The following ARFGEF2 variants were observed in gnomAD, a reference collection of about 807,000 sequenced individuals.
ARFGEF2 encodes the protein ARF guanine nucleotide exchange factor 2.
Under a neutral mutation model 219.9 loss-of-function variants are expected in ARFGEF2, and 74 were observed. The ratio of observed to expected loss-of-function variants is 0.34; its 90% confidence interval spans 0.28 to 0.41. The LOEUF is 0.41. Ranked by LOEUF, ARFGEF2 falls within the 10% of genes least tolerant of loss-of-function variation. The pLI, the probability that ARFGEF2 is intolerant of heterozygous loss-of-function variation, is 1.00. For missense variants in ARFGEF2, 1,743 were observed against 2,218.3 expected, an observed-to-expected ratio of 0.79 and a Z score of 4.30; for synonymous variants, 733 against 799.2, an observed-to-expected ratio of 0.92 and a Z score of 1.40.
At chr20:48,962,791 C>A (rs575062875) in intron 6 of ARFGEF2, among the ~76,000 whole-genome samples, 49 of 152,278 alleles carry the variant, frequency 3.2e-4, no homozygotes, top group African/African-American at 1.1e-3. Flanking sequence ...CCTTATAGAT[C>A]AAGCATAGAA....
intron 28 of ARFGEF2, 31 bp from the exon 29 acceptor site, chr20:49,013,533 T>A: frequency 6.2e-7 from 1 of 1,613,994 alleles, no homozygotes; most frequent in Non-Finnish European, 8.5e-7. Flanking sequence ...GCATGCTTAG[T>A]TTACACCTGA....
At chr20:49,005,268 G>A in intron 26 of ARFGEF2, 47 bp downstream of exon 26, 1 of 1,611,304 alleles carries the variant, frequency 6.2e-7, no homozygotes. Context: ...CCCCGTTGGG[G>A]CTCCCAGAAG....
At chr20:48,962,843 ACAGT>A (rs1490180786) in intron 6 of ARFGEF2, among the ~76,000 whole-genome samples, 3 of 152,174 alleles carry the variant, frequency 2.0e-5, no homozygotes, top group Non-Finnish European at 2.9e-5. Context: ...TCATTAATAC[ACAGT>A]CAAAGGATTA....
Position 49,034,041 on chromosome 20 carries a change from TATGAAGTAGTAATGAAA to T in ARFGEF2, c.*856_*872del, listed in dbSNP as rs935712132. 1 of 152,212 alleles carries T rather than the reference TATGAAGTAGTAATGAAA, an allele frequency of 6.6e-6. No individual in the cohort carries two copies. The highest frequency in any genetic ancestry group is 2.4e-5 in the African/African-American group (1 of 41,456). The allele number at this position is 152,212 out of a possible 1,614,324, so 9.4% of individuals were successfully genotyped here. A position where few individuals can be genotyped will look rare whatever the true frequency, so the allele number is the denominator to read the frequency against. ...ATCTCACACACTCTGAAATCTAATA[TATGAAGTAGTAATGAAA>T]ATGAAGTAGTAATTTAACCAGAGTT... On this transcript the variant is annotated 3_prime_UTR_variant, in exon 39 of 39. Transcript: ENST00000371917.
intron 1 of ARFGEF2, among the ~76,000 whole-genome samples, chr20:48,932,518 A>G (rs577230452): frequency 6.6e-6 from 1 of 152,264 alleles, no homozygotes; most frequent in Non-Finnish European, 1.5e-5. Flanking sequence ...GACAGGTGAA[A>G]AGGGGACGCT....
intron 11 of ARFGEF2, 54 bp from the exon 12 acceptor site, chr20:48,973,091 A>C: frequency 6.2e-7 from 1 of 1,609,546 alleles, no homozygotes; most frequent in Non-Finnish European, 8.5e-7. Flanking sequence ...TTTGATAAGA[A>C]AACCTAACTG....
intron 9 of ARFGEF2, among the ~76,000 whole-genome samples, 200 bp from the exon 10 acceptor site, chr20:48,970,920 G>A (rs2091223183): frequency 6.6e-6 from 1 of 152,190 alleles, no homozygotes; most frequent in Admixed American, 6.5e-5. Context: ...ACAAATAGGA[G>A]TTGGCAGCTC....
At chr20:48,948,222 C>CT (rs911233015) in intron 3 of ARFGEF2, among the ~76,000 whole-genome samples, 2 of 151,596 alleles carry the variant, frequency 1.3e-5, no homozygotes, top group Non-Finnish European at 2.9e-5. Flanking sequence ...TCTTTCCTCT[C>CT]TTTTTTTTTC....
At chr20:49,019,022 T>G in intron 34 of ARFGEF2, 24 bp downstream of exon 34, 1 of 1,565,846 alleles carries the variant, frequency 6.4e-7, no homozygotes, top group Non-Finnish European at 8.8e-7. Context: ...TTAATTTGTT[T>G]TAAATAAGTA....
At chr20:49,009,002 A>C (rs6512563) in intron 26 of ARFGEF2, among the ~76,000 whole-genome samples, 150,461 of 152,286 alleles carry the variant, frequency 0.99, 74,349 homozygotes, top group Middle Eastern at 1. Context: ...ACCACCATGC[A>C]CAGGTAAATT....
chr20:49,011,472 AC>A (rs2091497735), intron 27 of ARFGEF2, among the ~76,000 whole-genome samples: 1 of 152,322 alleles, frequency 6.6e-6, no homozygotes, highest in African/African-American at 2.4e-5. Context: ...CTGAGGACAC[AC>A]AGTTTCGATG....
chr20:49,014,815 T>C (rs1351706983), intron 30 of ARFGEF2, among the ~76,000 whole-genome samples: 1 of 152,200 alleles, frequency 6.6e-6, no homozygotes, highest in African/African-American at 2.4e-5. Flanking sequence ...TTTTCTAATC[T>C]TTTTAAATTT....
At position 48,989,286 on chromosome 20, in the gene ARFGEF2, T is replaced by G; in HGVS notation, c.2535T>G (p.Asn845Lys). 6.2e-7 allele frequency: 1 copy of G among 1,614,170 alleles called. No individual in the cohort carries two copies. The highest frequency in any genetic ancestry group is 8.5e-7 in the Non-Finnish European group (1 of 1,180,014). ...LTIATKSTKQ[N>K]VASEKQRRLL... ...ACCTATCATGCTCTTACTTTACAGA[T>G]GTAGCTAGTGAAAAGCAGCGGCGGC... The change falls in exon 19 of 39, where the codon AAT becomes AAG. Residue 845 changes from asparagine to lysine, a missense_variant and splice_region_variant. Physicochemically the swap from Asn to Lys is moderately conservative, Grantham distance 94. Around this residue, in one of 5 missense-constraint regions of ARFGEF2, gnomAD observed 666 missense variants for 955.4 expected, o/e 0.70. Transcript: ENST00000371917.
At chr20:48,947,849 C>G (rs1315786427) in intron 3 of ARFGEF2, among the ~76,000 whole-genome samples, 1 of 152,074 alleles carries the variant, frequency 6.6e-6, no homozygotes, top group Non-Finnish European at 1.5e-5. Flanking sequence ...GAGTGAGACC[C>G]CATCTCAAAA....
chr20:49,026,812 C>T (rs1294697767), intron 36 of ARFGEF2, among the ~76,000 whole-genome samples: 2 of 152,092 alleles, frequency 1.3e-5, no homozygotes, highest in Non-Finnish European at 2.9e-5. Flanking sequence ...TCTTGAACTC[C>T]TGACCTCAAG....
Position 48,974,768 on chromosome 20 carries a change from G to T in ARFGEF2, c.1668G>T (p.Glu556Asp). 5 of 1,612,602 alleles carry T rather than the reference G, an allele frequency of 3.1e-6. No homozygotes were observed. Among genetic ancestry groups the T allele is most frequent in the Middle Eastern group, 3.3e-4 (2 of 6,036 alleles). Reference protein sequence around the residue: ...GHELGMTPLQELSLRKKGLEC... With the variant: ...GHELGMTPLQDLSLRKKGLEC... ...TCCTGTGTGACTTCGTCCCTTAGGA[G>T]CTCAGCCTGAGGAAGAAAGGCCTGG... Residue 556 changes from glutamate to aspartate, a missense_variant and splice_region_variant, in exon 13 of 39, where the codon GAG (glutamate) becomes GAT (aspartate). Glu to Asp is a conservative substitution (Grantham distance 45). Around this residue, in one of 5 missense-constraint regions of ARFGEF2, gnomAD observed 666 missense variants for 955.4 expected, o/e 0.70. Transcript: ENST00000371917.
At chr20:49,008,896 C>T (rs936972662) in intron 26 of ARFGEF2, among the ~76,000 whole-genome samples, 70 of 151,904 alleles carry the variant, frequency 4.6e-4, no homozygotes, top group African/African-American at 1.5e-3. Context: ...TTAGTAGAGA[C>T]GGGGTTTCAC....
At chr20:48,948,482 A>G (rs1394885496) in intron 3 of ARFGEF2, among the ~76,000 whole-genome samples, 3 of 152,178 alleles carry the variant, frequency 2.0e-5, no homozygotes, top group Admixed American at 6.5e-5. Flanking sequence ...TTGGATTCCT[A>G]TCACTGAGGC....
chr20:48,961,411 A>G (rs1167280700), intron 6 of ARFGEF2, among the ~76,000 whole-genome samples: 1 of 152,072 alleles, frequency 6.6e-6, no homozygotes, highest in Non-Finnish European at 1.5e-5. Flanking sequence ...CCACCTCCAC[A>G]TCTTGTCCCT....
Sources: allele counts gnomAD v4.1 joint callset (sites outside exome capture counted in the v4.1 genomes callset), GRCh38; gene constraint gnomAD v4.1.1; regional missense constraint gnomAD v4.1.1; transcripts MANE v1.5; gene names NCBI Gene and HGNC (gene_info 2026-07-23, HGNC 2026-07-21).